PSD3: variants seen among roughly 807,000 people sequenced by gnomAD.
PSD3 encodes the protein pleckstrin and Sec7 domain containing 3.
PSD3 carries 49 observed loss-of-function variants against 105.5 expected under a neutral mutation model. That is an observed-to-expected ratio of 0.46 (90% confidence interval 0.37 to 0.59). The LOEUF (loss-of-function observed/expected upper bound fraction) is 0.59. PSD3 is among the 20% of genes least tolerant of loss of function. The pLI, the probability that PSD3 is intolerant of heterozygous loss-of-function variation, is 0.00. For missense variants in PSD3, 1,561 were observed against 1,263.8 expected, an observed-to-expected ratio of 1.24 and a Z score of -3.57; for synonymous variants, 557 against 457.8, an observed-to-expected ratio of 1.22 and a Z score of -2.77.
intron 14 of PSD3, among the ~76,000 whole-genome samples, chr8:18,560,892 C>T (rs1335393291): frequency 1.3e-5 from 2 of 152,142 alleles, no homozygotes; most frequent in African/African-American, 4.8e-5. Context: ...GATTGAGTCC[C>T]TCATGAAGCG....
rs574309186 is a variant in PSD3 at position 18,745,665 on chromosome 8, T to C, written c.2172+19784A>G. ...CAAGGTCTGGAAGCTACGCTGCTCATTGATATTGAGATATCAGTGCTTCTA... is the reference window on the plus strand; with the variant it reads ...CAAGGTCTGGAAGCTACGCTGCTCACTGATATTGAGATATCAGTGCTTCTA... On this transcript the variant is annotated intron_variant, in intron 9 of 15. Transcript: ENST00000327040. Among the ~76,000 whole-genome samples, 80 of 152,350 alleles carry C rather than the reference T, an allele frequency of 5.3e-4. 1 individual carries two copies. The highest frequency in any genetic ancestry group is 1.0e-3 in the African/African-American group (42 of 41,592).
intron 8 of PSD3, among the ~76,000 whole-genome samples, chr8:18,770,923 A>C (rs1807461031): frequency 6.6e-6 from 1 of 152,180 alleles, no homozygotes; most frequent in Non-Finnish European, 1.5e-5. Flanking sequence ...AAATGCAGGA[A>C]ATTTTATTGC....
chr8:18,667,113 C>T (rs1018242871), intron 9 of PSD3, among the ~76,000 whole-genome samples: 1 of 152,106 alleles, frequency 6.6e-6, no homozygotes, highest in Non-Finnish European at 1.5e-5. Flanking sequence ...TGGAAGGGGA[C>T]CCCAGCGAGT....
intron 4 of PSD3, among the ~76,000 whole-genome samples, chr8:18,848,312 G>C (rs1815267299): frequency 6.6e-6 from 1 of 152,136 alleles, no homozygotes; most frequent in Non-Finnish European, 1.5e-5. Context: ...AACAAAACAT[G>C]GATTTTGATA....
rs1447862312 is a variant in PSD3 at position 18,872,494 on chromosome 8, T to C, written c.370A>G (p.Lys124Glu). 1 of 1,614,156 alleles carries C rather than the reference T, an allele frequency of 6.2e-7. No homozygotes were observed. Among genetic ancestry groups the C allele is most frequent in the East Asian group, 2.2e-5 (1 of 44,866 alleles). The part of the protein sequence containing the change: ...VREAPSQSHL[K>E]EQSLQPIDSL... ...TCAATGGGCTGTAAACTTTGTTCCTTGAGATGACTTTGAGAGGGGGCCTCT... is the reference window on the plus strand; with the variant it reads ...TCAATGGGCTGTAAACTTTGTTCCTCGAGATGACTTTGAGAGGGGGCCTCT... The change falls in exon 3 of 16, where the codon AAG becomes GAG. Residue 124 changes from lysine (K) to glutamate (E), a missense_variant. By Grantham distance (56) the Lys-to-Glu change is moderately conservative (BLOSUM62 1). Transcript: ENST00000327040.
intron 1 of PSD3, among the ~76,000 whole-genome samples, chr8:19,041,759 T>C (rs947848449): frequency 1.3e-5 from 2 of 152,240 alleles, no homozygotes; most frequent in African/African-American, 4.8e-5. Context: ...AGCATTCCTC[T>C]GTTTTGATAT....
intron 1 of PSD3, among the ~76,000 whole-genome samples, chr8:19,012,674 G>C (rs1044718374): frequency 6.6e-6 from 1 of 152,162 alleles, no homozygotes; most frequent in Non-Finnish European, 1.5e-5. Flanking sequence ...TACTTACCTA[G>C]CTACCGGGCT....
chr8:18,727,659 G>A (rs954487248), intron 9 of PSD3, among the ~76,000 whole-genome samples: 1 of 151,664 alleles, frequency 6.6e-6, no homozygotes, highest in African/African-American at 2.4e-5. Flanking sequence ...ATTCCAGGCT[G>A]GCTATCATTA....
chr8:18,953,414 G>T (rs1823368394), intron 1 of PSD3, among the ~76,000 whole-genome samples: 1 of 152,186 alleles, frequency 6.6e-6, no homozygotes. Flanking sequence ...AGCACTGTTT[G>T]TAATAGCAAA....
rs187760132 is a variant in PSD3, at chr8:18,589,127, G to A, written c.2481+11237C>T. 2.4e-4 allele frequency among the ~76,000 whole-genome samples: 36 copies of A among 152,286 alleles called. 1 individual carries two copies. The East Asian group carries it at 6.2e-3, about 26-fold the overall frequency. On this transcript the variant is annotated intron_variant, in intron 12 of 15. Coordinates refer to ENST00000327040, the MANE Select transcript of PSD3 (RefSeq NM_015310.4). ...CAAAGGTAGCTAAAAGGACCAGTGTGGGCCCAGCATGTACACACATGCTGA... is the reference window on the plus strand; with the variant it reads ...CAAAGGTAGCTAAAAGGACCAGTGTAGGCCCAGCATGTACACACATGCTGA...
intron 2 of PSD3, among the ~76,000 whole-genome samples, chr8:18,889,355 C>T (rs1818641216): frequency 6.6e-6 from 1 of 152,070 alleles, no homozygotes. Context: ...CCTGGGCTGG[C>T]TAATTCCTAG....
intron 4 of PSD3, among the ~76,000 whole-genome samples, chr8:18,839,017 C>T (rs1814391614): frequency 6.6e-6 from 1 of 151,434 alleles, no homozygotes; most frequent in South Asian, 2.1e-4. Context: ...GGATGACAGA[C>T]AACTCAAAAC....
intron 9 of PSD3, among the ~76,000 whole-genome samples, chr8:18,673,733 T>C (rs1218332977): frequency 1.3e-5 from 2 of 152,194 alleles, no homozygotes; most frequent in Non-Finnish European, 2.9e-5. Context: ...GTTTATACCT[T>C]TCACTGAATC....
chr8:18,677,782 G>A (rs1229879248), intron 9 of PSD3, among the ~76,000 whole-genome samples: 10 of 152,004 alleles, frequency 6.6e-5, no homozygotes, highest in Non-Finnish European at 1.5e-4. Context: ...GAGGCGAGGC[G>A]GCCAGATCAC....
intron 9 of PSD3, chr8:18,732,916 G>A (rs888474510): frequency 3.3e-5 from 5 of 151,810 alleles, no homozygotes; most frequent in Non-Finnish European, 7.4e-5. Flanking sequence ...TAAGATGACC[G>A]GGACGAAGTA....
intron 1 of PSD3, among the ~76,000 whole-genome samples, chr8:18,939,717 A>T (rs1822400253): frequency 6.6e-6 from 1 of 152,226 alleles, no homozygotes; most frequent in Non-Finnish European, 1.5e-5. Flanking sequence ...TTTAAAATGC[A>T]CTATTCTGAC....
intron 7 of PSD3, among the ~76,000 whole-genome samples, chr8:18,800,024 T>A (rs760189393): frequency 6.6e-6 from 1 of 152,212 alleles, no homozygotes; most frequent in African/African-American, 2.4e-5. Context: ...TGTCTCTAAA[T>A]AGACACTACC....
chr8:18,536,454 G>A (rs541245984), intron 15 of PSD3, among the ~76,000 whole-genome samples: 4 of 152,254 alleles, frequency 2.6e-5, no homozygotes, highest in South Asian at 2.1e-4. Flanking sequence ...GGACCATTCC[G>A]TGGCTAATCT....
At chr8:18,823,778 ACTC>A (rs1812944269) in intron 4 of PSD3, among the ~76,000 whole-genome samples, 1 of 35,390 alleles carries the variant, frequency 2.8e-5, no homozygotes, top group Non-Finnish European at 6.2e-5. Flanking sequence ...TCTTAAACAC[ACTC>A]ACACACACAC....
Sources: allele counts gnomAD v4.1 joint callset (sites outside exome capture counted in the v4.1 genomes callset), GRCh38; gene constraint gnomAD v4.1.1; transcripts MANE v1.5; gene names NCBI Gene and HGNC (gene_info 2026-07-23, HGNC 2026-07-21).